The following KIFAP3 variants were observed in gnomAD, a reference collection of about 807,000 sequenced individuals.
KIFAP3 encodes the protein kinesin associated protein 3, also known as kinesin-associated protein 3.
Under a neutral mutation model 106.5 loss-of-function variants are expected in KIFAP3, and 68 were observed. That is an observed-to-expected ratio of 0.64 (90% CI 0.53 to 0.78). The LOEUF is 0.78. Ranked by LOEUF, KIFAP3 falls within the 30% of genes least tolerant of loss-of-function variation. The pLI, the probability that KIFAP3 is intolerant of heterozygous loss-of-function variation, is 0.00. For synonymous variants in KIFAP3, 320 were observed against 311.5 expected (o/e 1.03, Z -0.29); for missense variants, 780 against 941.8 (o/e 0.83, Z 2.25).
At chr1:169,973,123 A>ATATATATATATATG (rs1553278139) in intron 16 of KIFAP3, among the ~76,000 whole-genome samples, 1 of 128,666 alleles carries the variant, frequency 7.8e-6, no homozygotes, top group Non-Finnish European at 1.6e-5. Context: ...ATATATATAT[A>ATATATATATATATG]AACAACACAA....
At chr1:170,052,860 T>C (rs546094606) in intron 2 of KIFAP3, among the ~76,000 whole-genome samples, 14 of 152,268 alleles carry the variant, frequency 9.2e-5, no homozygotes, top group East Asian at 5.8e-4. Flanking sequence ...ATAAGAGCTA[T>C]TTATGACAAA....
chr1:170,003,588 G>A (rs1236469418), intron 10 of KIFAP3, among the ~76,000 whole-genome samples: 1 of 65,496 alleles, frequency 1.5e-5, no homozygotes, highest in Non-Finnish European at 2.8e-5. Flanking sequence ...AGTCTGCAGA[G>A]GTTACTGCTG....
At chr1:169,951,130 CT>C (rs1247188467) in intron 19 of KIFAP3, among the ~76,000 whole-genome samples, 2 of 151,868 alleles carry the variant, frequency 1.3e-5, no homozygotes, top group African/African-American at 4.8e-5. Context: ...GTCTGTGGCT[CT>C]GCTGATACAG....
intron 16 of KIFAP3, among the ~76,000 whole-genome samples, chr1:169,974,264 T>C (rs1666099546): frequency 6.6e-6 from 1 of 151,998 alleles, no homozygotes; most frequent in Non-Finnish European, 1.5e-5. Flanking sequence ...GCATCAATAC[T>C]ATTAATTGGT....
intron 3 of KIFAP3, among the ~76,000 whole-genome samples, chr1:170,046,069 T>C (rs986965926): frequency 1.5e-4 from 23 of 152,010 alleles, no homozygotes; most frequent in African/African-American, 5.3e-4. Context: ...CCTTACACTC[T>C]GACCAATCAA....
chr1:170,002,891 A>T (rs1320643245), intron 10 of KIFAP3, among the ~76,000 whole-genome samples: 1 of 152,116 alleles, frequency 6.6e-6, no homozygotes, highest in African/African-American at 2.4e-5. Flanking sequence ...TCTGCTTATA[A>T]ATGAGCTAAG....
chr1:169,941,516 GAAT>G (rs1379869204), intron 19 of KIFAP3, among the ~76,000 whole-genome samples: 2 of 121,866 alleles, frequency 1.6e-5, no homozygotes, highest in Non-Finnish European at 3.4e-5. Flanking sequence ...ATGAGGATGA[GAAT>G]AATTTTTTCT....
chr1:169,982,712 T>C lies in KIFAP3; in HGVS notation c.1662A>G (p.Lys554=). 4 of 1,583,338 alleles carry C rather than the reference T, an allele frequency of 2.5e-6. No homozygotes were observed. Among genetic ancestry groups the C allele is most frequent in the Non-Finnish European group, 3.4e-6 (4 of 1,164,122 alleles). Residue 554 remains lysine, a synonymous_variant, in exon 14 of 20, where the codon AAA becomes AAG. Transcript: ENST00000361580. ...EYKLVPYLKD[K]LKPGAAEDDL... The stretch of plus-strand genomic sequence containing the variant: ...ATACTTAGCACAAACCTGGTTTTAG[T>C]TTATCCTTGAGGTATGGAACCAACT...
intron 8 of KIFAP3, among the ~76,000 whole-genome samples, chr1:170,029,747 T>C (rs939928724): frequency 1.3e-5 from 2 of 151,942 alleles, no homozygotes; most frequent in African/African-American, 4.8e-5. Context: ...GCTATGGTAA[T>C]GAAGACACTG....
chr1:170,063,334 T>C (rs918789386), intron 1 of KIFAP3, among the ~76,000 whole-genome samples: 1 of 152,226 alleles, frequency 6.6e-6, no homozygotes, highest in African/African-American at 2.4e-5. Context: ...TGACTCCACC[T>C]GGACCTGTGA....
chr1:169,983,446 TTC>T, intron 12 of KIFAP3, 64 bp from the exon 13 acceptor site: 1 of 1,134,328 alleles, frequency 8.8e-7, no homozygotes, highest in Non-Finnish European at 1.3e-6. Flanking sequence ...TTTTGTTTAG[TTC>T]TCAAAAAAGC....
chr1:170,054,775 CAG>C (rs1670757126), intron 2 of KIFAP3, among the ~76,000 whole-genome samples: 1 of 151,628 alleles, frequency 6.6e-6, no homozygotes, highest in African/African-American at 2.4e-5. Flanking sequence ...CACACGGACA[CAG>C]GGGAGGGAAC....
chr1:169,932,360 A>C (rs1347712378), intron 19 of KIFAP3, among the ~76,000 whole-genome samples: 1 of 152,208 alleles, frequency 6.6e-6, no homozygotes, highest in Non-Finnish European at 1.5e-5. Context: ...ACATAATTCA[A>C]AAGTTAATAC....
rs767329214 is a variant in KIFAP3, at chr1:170,000,923, G to A, written c.1184-8668C>T. On this transcript the variant is annotated intron_variant, in intron 10 of 19. Transcript: ENST00000361580. The stretch of plus-strand genomic sequence containing the variant: ...TAGTTTCTGAGGTACAGTGGTTCAC[G>A]GATAAGTAATTTTTTATGTCCAATT... Among the ~76,000 whole-genome samples the A allele has an allele frequency of 3.2e-4, 49 of 151,974 alleles. 1 individual carries two copies. The highest frequency in any genetic ancestry group is 4.7e-4 in the Non-Finnish European group (32 of 67,970).
chr1:170,052,140 A>C (rs563672793), intron 2 of KIFAP3, among the ~76,000 whole-genome samples: 1 of 152,300 alleles, frequency 6.6e-6, no homozygotes, highest in African/African-American at 2.4e-5. Context: ...ACAATAAAAT[A>C]TAATAAAGGG....
At chr1:170,070,122 A>G (rs1457650498) in intron 1 of KIFAP3, among the ~76,000 whole-genome samples, 1 of 152,152 alleles carries the variant, frequency 6.6e-6, no homozygotes, top group Non-Finnish European at 1.5e-5. Context: ...GAACAACTGT[A>G]TACTGAAAAC....
chr1:169,975,471 T>C (rs1340171279), intron 16 of KIFAP3, among the ~76,000 whole-genome samples: 1 of 152,148 alleles, frequency 6.6e-6, no homozygotes, highest in African/African-American at 2.4e-5. Flanking sequence ...AGAATTACAA[T>C]AAAATGCTAA....
chr1:170,016,664 G>T, intron 9 of KIFAP3, 40 bp from the exon 10 acceptor site: 3 of 1,213,832 alleles, frequency 2.5e-6, no homozygotes, highest in Non-Finnish European at 3.4e-6. Flanking sequence ...AAGTTCTGTT[G>T]CAAAATAGGA....
intron 11 of KIFAP3, among the ~76,000 whole-genome samples, chr1:169,991,830 T>C (rs1294332175): frequency 6.6e-6 from 1 of 152,062 alleles, no homozygotes; most frequent in Non-Finnish European, 1.5e-5. Flanking sequence ...TTTTGAAGAA[T>C]GTTCAGTGAC....
Sources: allele counts gnomAD v4.1 joint callset (sites outside exome capture counted in the v4.1 genomes callset), GRCh38; gene constraint gnomAD v4.1.1; transcripts MANE v1.5; gene names NCBI Gene and HGNC (gene_info 2026-07-23, HGNC 2026-07-21).